The following NOX4 variants were observed in gnomAD, a reference collection of about 807,000 sequenced individuals.
NOX4 encodes the protein kidney oxidase-1.
A neutral mutation model predicts 87.6 loss-of-function variants in NOX4; 69 were observed. The ratio of observed to expected loss-of-function variants is 0.79; its 90% CI spans 0.65 to 0.96. The LOEUF is 0.96. Among genes scored for constraint, NOX4 ranks in the 40% least tolerant of loss-of-function variants. The probability of loss-of-function intolerance (pLI) is 0.00; values close to 1 mark genes in which losing one functional copy is unlikely to be tolerated. For synonymous variants in NOX4, 275 were observed against 238.2 expected, an observed-to-expected ratio of 1.15 and a Z score of -1.42; for missense variants, 680 against 681.5, an observed-to-expected ratio of 1.00 and a Z score of 0.02.
At chr11:89,559,990 C>G in the NOX4 span, among the ~76,000 whole-genome samples, 1 of 152,136 alleles carries the variant, frequency 6.6e-6, no homozygotes, top group African/African-American at 2.4e-5. Flanking sequence ...TATACCCTGG[C>G]ATCTATGAAT....
chr11:89,367,851 T>A (rs1182759647), intron 12 of NOX4, among the ~76,000 whole-genome samples: 1 of 152,046 alleles, frequency 6.6e-6, no homozygotes, highest in Non-Finnish European at 1.5e-5. Context: ...GGCCTCCCAA[T>A]AGCATGACAT....
At chr11:89,471,539 A>G (rs1388595610) in intron 2 of NOX4, among the ~76,000 whole-genome samples, 1 of 152,214 alleles carries the variant, frequency 6.6e-6, no homozygotes, top group African/African-American at 2.4e-5. Flanking sequence ...TATTTTTCCT[A>G]TGCCTATAAG....
chr11:89,401,934 C>T (rs539650233), intron 9 of NOX4, among the ~76,000 whole-genome samples: 2 of 151,966 alleles, frequency 1.3e-5, no homozygotes, highest in Non-Finnish European at 2.9e-5. Flanking sequence ...TTACTATTTA[C>T]AATATTATAC....
At chr11:89,337,388 C>T (rs1275026042) in intron 16 of NOX4, 59 bp downstream of exon 16, 6 of 1,604,290 alleles carry the variant, frequency 3.7e-6, no homozygotes, top group Non-Finnish European at 5.1e-6. Flanking sequence ...CACCACAGCT[C>T]CTACAGTAAA....
intron 2 of NOX4, among the ~76,000 whole-genome samples, chr11:89,477,978 A>C (rs1946237270): frequency 6.6e-6 from 1 of 152,206 alleles, no homozygotes; most frequent in Non-Finnish European, 1.5e-5. Context: ...AACTGTTGGA[A>C]ATTTTTATAA....
chr11:89,530,430 C>A, the NOX4 span, among the ~76,000 whole-genome samples: 1 of 151,250 alleles, frequency 6.6e-6, no homozygotes, highest in African/African-American at 2.4e-5. Flanking sequence ...GCAACCTCCA[C>A]CTCCTGGATT....
intron 2 of NOX4, among the ~76,000 whole-genome samples, chr11:89,480,062 C>G (rs1357037872): frequency 6.6e-6 from 1 of 152,128 alleles, no homozygotes; most frequent in Non-Finnish European, 1.5e-5. Flanking sequence ...TGCAAATCCA[C>G]ATTTGGTTGA....
chr11:89,561,056 T>C, the NOX4 span, among the ~76,000 whole-genome samples: 3 of 94,176 alleles, frequency 3.2e-5, 1 homozygote, highest in African/African-American at 1.5e-4. Context: ...CATACATATA[T>C]ATATATATAT....
At chr11:89,458,821 T>G (rs1945323806) in intron 2 of NOX4, among the ~76,000 whole-genome samples, 1 of 152,170 alleles carries the variant, frequency 6.6e-6, no homozygotes, top group Non-Finnish European at 1.5e-5. Context: ...CCGGGAAGGT[T>G]GCAGAGAAAA....
chr11:89,328,533 C>T (rs1020787260), intron 17 of NOX4, among the ~76,000 whole-genome samples: 5 of 151,974 alleles, frequency 3.3e-5, no homozygotes, highest in African/African-American at 9.7e-5. Context: ...CAGAACAAGT[C>T]CAACACTATT....
intron 11 of NOX4, among the ~76,000 whole-genome samples, chr11:89,375,266 T>C (rs2135068518): frequency 6.6e-6 from 1 of 152,244 alleles, no homozygotes; most frequent in South Asian, 2.1e-4. Flanking sequence ...TATTTATAAG[T>C]GTGATTCTGT....
At chr11:89,423,884 A>T (rs1478248966) in intron 7 of NOX4, among the ~76,000 whole-genome samples, 1 of 151,770 alleles carries the variant, frequency 6.6e-6, no homozygotes, top group East Asian at 1.9e-4. Context: ...TGAAACCTTG[A>T]CCTTACGAAA....
the NOX4 span, among the ~76,000 whole-genome samples, chr11:89,561,046 C>CATATATAT: frequency 1.6e-4 from 4 of 25,672 alleles, no homozygotes; most frequent in South Asian, 1.4e-3. Flanking sequence ...ACACATATAT[C>CATATATAT]ATACATATAT....
chr11:89,569,830 G>A, the NOX4 span, among the ~76,000 whole-genome samples: 1,444 of 151,750 alleles, frequency 9.5e-3, 24 homozygotes, highest in African/African-American at 0.033. Context: ...GGTGAAACCC[G>A]CCTCTATTAA....
chr11:89,404,595 C>A (rs1220049067), intron 8 of NOX4, among the ~76,000 whole-genome samples: 1 of 152,080 alleles, frequency 6.6e-6, no homozygotes, highest in Non-Finnish European at 1.5e-5. Context: ...GAACTAGGAT[C>A]ATTATTCCCA....
the NOX4 span, among the ~76,000 whole-genome samples, chr11:89,567,143 C>A: frequency 5.9e-5 from 9 of 152,280 alleles, no homozygotes; most frequent in Non-Finnish European, 1.0e-4. Context: ...TCTGAACACA[C>A]CCCTGTTTGC....
At chr11:89,438,618 G>C (rs192404653) in intron 6 of NOX4, among the ~76,000 whole-genome samples, 11 of 73,750 alleles carry the variant, frequency 1.5e-4, no homozygotes, top group South Asian at 9.1e-4. Flanking sequence ...ATAATATATA[G>C]TATATATTAT....
At chr11:89,463,309 G>A (rs1945550799) in intron 2 of NOX4, among the ~76,000 whole-genome samples, 1 of 151,630 alleles carries the variant, frequency 6.6e-6, no homozygotes, top group South Asian at 2.1e-4. Flanking sequence ...AATTTTCAAA[G>A]AATCAGTTCC....
intron 2 of NOX4, among the ~76,000 whole-genome samples, chr11:89,457,652 T>C (rs2135405548): frequency 6.6e-6 from 1 of 152,266 alleles, no homozygotes; most frequent in African/African-American, 2.4e-5. Flanking sequence ...CTACTGAACC[T>C]ACCTCAAACC....
Sources: allele counts gnomAD v4.1 joint callset (sites outside exome capture counted in the v4.1 genomes callset), GRCh38; gene constraint gnomAD v4.1.1; transcripts MANE v1.5; gene names NCBI Gene and HGNC (gene_info 2026-07-23, HGNC 2026-07-21).